TCOF1: variants seen among roughly 807,000 people sequenced by gnomAD.
The protein encoded by TCOF1 is treacle protein.
A neutral mutation model predicts 149.0 loss-of-function variants in TCOF1; 33 were observed. The observed-to-expected ratio is 0.22, with a 90% CI of 0.17 to 0.30. The LOEUF (loss-of-function observed/expected upper bound fraction) is 0.30, where lower values mean the gene tolerates loss of function less well. Ranked by LOEUF, TCOF1 falls within the 10% of genes least tolerant of loss-of-function variation. The pLI, the probability that TCOF1 is intolerant of heterozygous loss-of-function variation, is 1.00. For synonymous variants in TCOF1, 789 were observed against 738.8 expected, an observed-to-expected ratio of 1.07 and a Z score of -1.10; for missense variants, 1,728 against 1,840.7, an observed-to-expected ratio of 0.94 and a Z score of 1.12.
At chr5:150,399,510 C>A (rs571383359) in intron 26 of TCOF1, among the ~76,000 whole-genome samples, 1 of 152,246 alleles carries the variant, frequency 6.6e-6, no homozygotes, top group African/African-American at 2.4e-5. Context: ...CTATGGAGGA[C>A]AGGCCCTGCC....
In TCOF1 at chr5:150,375,900, T is replaced by C. The variant is rs1325849701; in HGVS notation, c.1884T>C (p.Thr628=). ...GTGAGGAGGCACCAGCAGCCATGAC[T>C]GCAGCTCAGGTGAGGCCTGGGGAAG... ...ADSEEAPAAM[T]AAQAKPALKI... The change falls in exon 12 of 27, where the codon ACT becomes ACC. Residue 628 remains threonine, a synonymous_variant. Coordinates refer to ENST00000643257, the MANE Select transcript of TCOF1 (RefSeq NM_001371623.1). 6 of 1,614,160 alleles carry C rather than the reference T, an allele frequency of 3.7e-6. No individual in the cohort carries two copies. The highest frequency in any genetic ancestry group is 4.2e-6 in the Non-Finnish European group (5 of 1,180,032).
At chr5:150,363,964 A>T (rs935851905) in intron 2 of TCOF1, 149 bp from the exon 3 acceptor site, 40 of 1,105,400 alleles carry the variant, frequency 3.6e-5, no homozygotes, top group Admixed American at 8.3e-5. Context: ...CAGAATACAA[A>T]ATTGTGCCTA....
rs765057393 is a variant in TCOF1 at position 150,368,705 on chromosome 5, G to A, written c.379-11G>A. The A allele has an allele frequency of 4.3e-6, 7 of 1,613,868 alleles. No individual in the cohort carries two copies. The highest frequency in any genetic ancestry group is 5.9e-6 in the Non-Finnish European group (7 of 1,179,910). ...CATACCAGATGTGTCTGTCACTCTT[G>A]TTCTCTGTAGGCAGAGACAGAGAAA... is the stretch of plus-strand genomic sequence containing the variant. On this transcript the variant is annotated splice_polypyrimidine_tract_variant and intron_variant, in intron 4 of 26. Transcript: ENST00000643257.
rs182050376 is a variant in TCOF1 at position 150,367,750 on chromosome 5, A to G, written c.305-94A>G. 8.3e-6 allele frequency: 12 copies of G among 1,442,632 alleles called. No homozygotes were observed. In the East Asian group the frequency reaches 2.6e-4, roughly 31 times the overall value. 89.4% of individuals were successfully genotyped at this position (1,442,632 alleles called of 1,614,324 possible). ...CTCATGCCAGCACCAGGCAGCCAAT[A>G]CCAATAGAATTGTTAGGTGAGATGA... On this transcript the variant is annotated intron_variant, in intron 3 of 26. Coordinates refer to ENST00000643257, the MANE Select transcript of TCOF1 (RefSeq NM_001371623.1).
Position 150,392,025 on chromosome 5 carries a change from C to A in TCOF1, c.3366C>A (p.Thr1122=). Residue 1122 remains threonine, a synonymous_variant, in exon 21 of 27, where the codon ACC becomes ACA. Coordinates refer to ENST00000643257, the MANE Select transcript of TCOF1 (RefSeq NM_001371623.1). The part of the protein sequence containing the change: ...PQSTSVQAKG[T]NKLRKPKLPE... ...GCACCTCCGTCCAGGCCAAAGGGACCAACAAGCTCAGAAAACCTAAGCTTC... is the reference window on the plus strand; with the variant it reads ...GCACCTCCGTCCAGGCCAAAGGGACAAACAAGCTCAGAAAACCTAAGCTTC... 6.2e-7 allele frequency: 1 copy of A among 1,614,210 alleles called. No homozygotes were observed. The highest frequency in any genetic ancestry group is 8.5e-7 in the Non-Finnish European group (1 of 1,180,038).
intron 6 of TCOF1, among the ~76,000 whole-genome samples, chr5:150,371,637 G>T (rs1390753054): frequency 1.3e-5 from 2 of 152,236 alleles, no homozygotes; most frequent in Non-Finnish European, 2.9e-5. Flanking sequence ...GCTGTGATCA[G>T]ATACTTGAGT....
chr5:150,373,864 G>T lies in TCOF1; in HGVS notation c.871-310G>T, dbSNP rs185397282. ...GCAGAGGACAGGCTCTAACTACCCA[G>T]TGTGCTGGGGCACCAGGGGGAACCA... On this transcript the variant is annotated intron_variant, in intron 7 of 26. Transcript: ENST00000643257. Among the ~76,000 whole-genome samples the T allele has an allele frequency of 2.5e-4, 38 of 152,324 alleles. No homozygotes were observed. The East Asian group carries it at 6.4e-3, about 26-fold the overall frequency.
chr5:150,357,735 G>T lies in TCOF1; in HGVS notation c.-12G>T, dbSNP rs1158346046. The T allele has an allele frequency of 2.6e-6, 4 of 1,547,782 alleles. No homozygotes were observed. Among genetic ancestry groups the T allele is most frequent in the Admixed American group, 2.0e-5 (1 of 50,976 alleles). On this transcript the variant is annotated 5_prime_UTR_variant, in exon 1 of 27. Transcript: ENST00000643257. ...GGGCGTGCAGGTAGCCGGCCGGCCG[G>T]GGGTCGCGGGTATGGCCGAGGCCAG...
chr5:150,385,641 T>G (rs1444231045), intron 17 of TCOF1, among the ~76,000 whole-genome samples: 8 of 152,136 alleles, frequency 5.3e-5, no homozygotes, highest in Non-Finnish European at 1.2e-4. Context: ...CAGCCCCCTC[T>G]CCCCACTCTG....
intron 1 of TCOF1, among the ~76,000 whole-genome samples, chr5:150,358,239 T>C (rs1304559491): frequency 6.6e-6 from 1 of 151,662 alleles, no homozygotes; most frequent in East Asian, 1.9e-4. Flanking sequence ...GTCTCGGGGG[T>C]GGATTGCGAC....
Position 150,376,077 on chromosome 5 carries a change from C to G in TCOF1, c.1894-5C>G. 1.2e-6 allele frequency: 2 copies of G among 1,614,136 alleles called. No homozygotes were observed. The highest frequency in any genetic ancestry group is 1.7e-6 in the Non-Finnish European group (2 of 1,179,948). The stretch of plus-strand genomic sequence containing the variant: ...TTCTCCAGCCTTTCTTTGGTGTCCC[C>G]TCAGGCAAAACCAGCTCTGAAAATT... On this transcript the variant is annotated splice_polypyrimidine_tract_variant and splice_region_variant and intron_variant, in intron 12 of 26. Transcript: ENST00000643257.
chr5:150,379,484 C>A (rs1408350531), intron 16 of TCOF1, 48 bp from the exon 17 acceptor site: 2 of 1,613,902 alleles, frequency 1.2e-6, no homozygotes, highest in East Asian at 4.5e-5. Context: ...TGTCTTCTCA[C>A]ACGTCCACCC....
chr5:150,389,056 C>A (rs1196787082), intron 18 of TCOF1, among the ~76,000 whole-genome samples: 1 of 152,182 alleles, frequency 6.6e-6, no homozygotes, highest in Non-Finnish European at 1.5e-5. Context: ...GCCTGGGCAA[C>A]ATAGTGAGAG....
Position 150,399,026 on chromosome 5 carries a change from A to G in TCOF1, c.4448A>G (p.Lys1483Arg). Residue 1483 changes from lysine to arginine, a missense_variant, in exon 26 of 27, where the codon AAG (lysine) becomes AGG (arginine). Coordinates refer to ENST00000643257, the MANE Select transcript of TCOF1 (RefSeq NM_001371623.1). ...PSQKKKKKKK[K>R]TAEQTV ...CTCGTACTTCCCTCCTCACAGAAGA[A>G]GACAGCAGAGCAGACTGTATGACGA... The G allele has an allele frequency of 6.2e-7, 1 of 1,614,244 alleles. No individual in the cohort carries two copies. Among genetic ancestry groups the G allele is most frequent in the Non-Finnish European group, 8.5e-7 (1 of 1,180,048 alleles).
chr5:150,397,535 C>T (rs562029164), intron 24 of TCOF1, among the ~76,000 whole-genome samples: 16 of 152,286 alleles, frequency 1.1e-4, no homozygotes, highest in Non-Finnish European at 2.1e-4. Flanking sequence ...AACTGCGGCT[C>T]GGGCTCGGAG....
intron 4 of TCOF1, 94 bp from the exon 5 acceptor site, chr5:150,368,622 T>G: frequency 6.9e-7 from 1 of 1,458,240 alleles, no homozygotes; most frequent in Non-Finnish European, 9.6e-7. Flanking sequence ...CTCACACAGC[T>G]AAGAAGTGGT....
intron 17 of TCOF1, chr5:150,384,658 G>T: frequency 1.0e-6 from 1 of 971,616 alleles, no homozygotes; most frequent in South Asian, 4.8e-5. Context: ...TGGTATGTTA[G>T]TCCTGAAGAT....
intron 21 of TCOF1, 116 bp from the exon 22 acceptor site, chr5:150,392,589 G>A (rs1767662903): frequency 1.1e-6 from 1 of 950,738 alleles, no homozygotes; most frequent in Non-Finnish European, 1.6e-6. Flanking sequence ...GGTGAGGCGG[G>A]GCAGGGGATG....
intron 14 of TCOF1, 151 bp downstream of exon 14, chr5:150,376,771 A>C (rs1196667041): frequency 1.5e-5 from 12 of 810,146 alleles, no homozygotes; most frequent in Non-Finnish European, 2.5e-5. Context: ...CTTTCACTCC[A>C]TGTCTCCTCT....
Sources: allele counts gnomAD v4.1 joint callset (sites outside exome capture counted in the v4.1 genomes callset), GRCh38; gene constraint gnomAD v4.1.1; transcripts MANE v1.5; gene names NCBI Gene and HGNC (gene_info 2026-07-23, HGNC 2026-07-21).